The following LHFPL3 variants were observed in gnomAD, a reference collection of about 807,000 sequenced individuals.
LHFPL3 encodes the protein LHFPL tetraspan subfamily member 3 protein.
In LHFPL3, 5 loss-of-function variants were observed where a neutral mutation model predicts 19.3. The ratio of observed to expected loss-of-function variants is 0.26; its 90% CI spans 0.14 to 0.54. The LOEUF is 0.54. Ranked by LOEUF, LHFPL3 falls within the 20% of genes least tolerant of loss-of-function variation. The pLI is 0.94. For missense variants in LHFPL3, 249 were observed against 307.4 expected (o/e 0.81, Z 1.42); for synonymous variants, 133 against 126.2 (o/e 1.05, Z -0.36).
At chr7:104,795,303 G>T (rs1790101983) in intron 2 of LHFPL3, among the ~76,000 whole-genome samples, 1 of 152,176 alleles carries the variant, frequency 6.6e-6, no homozygotes, top group African/African-American at 2.4e-5. Context: ...ACCATAATTT[G>T]ACCCATCCTC....
intron 2 of LHFPL3, among the ~76,000 whole-genome samples, chr7:104,863,727 C>T (rs982347958): frequency 6.6e-6 from 1 of 152,202 alleles, no homozygotes; most frequent in African/African-American, 2.4e-5. Context: ...CTGACTCAGC[C>T]TTGCACAGTG....
chr7:104,555,748 C>G (rs116049523), intron 1 of LHFPL3, among the ~76,000 whole-genome samples: 2,087 of 152,314 alleles, frequency 0.014, 43 homozygotes, highest in African/African-American at 0.047. Flanking sequence ...TCTTAACTCA[C>G]TCCAGCATTA....
chr7:104,891,509 T>C (rs1316054509), intron 2 of LHFPL3, among the ~76,000 whole-genome samples: 1 of 152,222 alleles, frequency 6.6e-6, no homozygotes, highest in Non-Finnish European at 1.5e-5. Flanking sequence ...AAGCACCTTT[T>C]AAAGGTCCCA....
rs1794068710 is a variant in LHFPL3 at position 104,521,771 on chromosome 7, A to G, written c.445+192547A>G. Among the ~76,000 whole-genome samples, 4 of 152,234 alleles carry G rather than the reference A, an allele frequency of 2.6e-5. No individual in the cohort carries two copies. In the South Asian group the frequency reaches 8.3e-4, roughly 32 times the overall value. The stretch of plus-strand genomic sequence containing the variant: ...CAAAAGAAGACATTTATGTAGCCAA[A>G]AAACACATGAAAAAATGCTCACCAT... On this transcript the variant is annotated intron_variant, in intron 1 of 2. Coordinates refer to ENST00000424859, the MANE Select transcript of LHFPL3 (RefSeq NM_199000.3).
chr7:104,440,420 G>T (rs538090984), intron 1 of LHFPL3, among the ~76,000 whole-genome samples: 1 of 151,492 alleles, frequency 6.6e-6, no homozygotes, highest in Middle Eastern at 3.5e-3. Context: ...GTCGTGGGGT[G>T]GGGGGAGTGG....
rs538233059 is a variant in LHFPL3 at position 104,864,814 on chromosome 7, C to G, written c.683-41373C>G. 7.9e-5 allele frequency among the ~76,000 whole-genome samples: 12 copies of G among 152,320 alleles called. No individual in the cohort carries two copies. The South Asian group carries it at 1.5e-3, about 18-fold the overall frequency. On this transcript the variant is annotated intron_variant, in intron 2 of 2. Transcript: ENST00000424859. ...GCCTCCTCAAGTGGGTCCCTGCCCCCCAAGTAGCCTAACTGGGGGCAGACT... is the reference window on the plus strand; with the variant it reads ...GCCTCCTCAAGTGGGTCCCTGCCCCGCAAGTAGCCTAACTGGGGGCAGACT...
chr7:104,823,775 C>T (rs555460238), intron 2 of LHFPL3, among the ~76,000 whole-genome samples: 14 of 152,172 alleles, frequency 9.2e-5, no homozygotes, highest in African/African-American at 2.6e-4. Flanking sequence ...GTAAATCAAC[C>T]TCCACATTTG....
intron 1 of LHFPL3, among the ~76,000 whole-genome samples, chr7:104,578,507 G>C (rs1790390248): frequency 6.6e-6 from 1 of 152,156 alleles, no homozygotes; most frequent in South Asian, 2.1e-4. Context: ...AAATTTTAAA[G>C]ACTTGAAGAG....
chr7:104,802,025 C>A (rs757294298), intron 2 of LHFPL3, among the ~76,000 whole-genome samples: 1 of 152,122 alleles, frequency 6.6e-6, no homozygotes, highest in Non-Finnish European at 1.5e-5. Context: ...ACAAAAGCAT[C>A]ACTGTTAACC....
intron 1 of LHFPL3, among the ~76,000 whole-genome samples, chr7:104,541,458 C>T (rs764395359): frequency 1.3e-5 from 2 of 152,122 alleles, no homozygotes; most frequent in Non-Finnish European, 2.9e-5. Flanking sequence ...CAGTATTCCC[C>T]AGACACAGGA....
intron 1 of LHFPL3, among the ~76,000 whole-genome samples, chr7:104,393,001 A>C (rs1791108660): frequency 6.6e-6 from 1 of 152,214 alleles, no homozygotes; most frequent in Non-Finnish European, 1.5e-5. Flanking sequence ...TTTAAAAATG[A>C]GCATAGGATC....
chr7:104,439,788 C>T (rs1173273992), intron 1 of LHFPL3, among the ~76,000 whole-genome samples: 1 of 151,986 alleles, frequency 6.6e-6, no homozygotes, highest in African/African-American at 2.4e-5. Context: ...AGGAACAAAA[C>T]AAGGATGTCT....
intron 1 of LHFPL3, among the ~76,000 whole-genome samples, chr7:104,588,529 G>A (rs1455576120): frequency 3.9e-5 from 6 of 151,950 alleles, no homozygotes; most frequent in Admixed American, 1.3e-4. Flanking sequence ...GCCTTGTAGT[G>A]TAGTTTGAAG....
At chr7:104,392,467 TG>T (rs1204315259) in intron 1 of LHFPL3, among the ~76,000 whole-genome samples, 1 of 151,886 alleles carries the variant, frequency 6.6e-6, no homozygotes, top group African/African-American at 2.4e-5. Context: ...TCTTTGGTTC[TG>T]TTTATATGCT....
intron 1 of LHFPL3, among the ~76,000 whole-genome samples, chr7:104,460,690 T>C (rs1270723506): frequency 6.6e-6 from 1 of 152,148 alleles, no homozygotes. Flanking sequence ...ACTTTTTTAA[T>C]GGGGTTATTT....
At chr7:104,719,142 T>A (rs568479893) in intron 1 of LHFPL3, among the ~76,000 whole-genome samples, 1 of 152,286 alleles carries the variant, frequency 6.6e-6, no homozygotes, top group South Asian at 2.1e-4. Flanking sequence ...TCCAAAGAAG[T>A]TACTTTCAAA....
At chr7:104,589,595 G>A (rs1235001555) in intron 1 of LHFPL3, among the ~76,000 whole-genome samples, 11 of 151,886 alleles carry the variant, frequency 7.2e-5, no homozygotes, top group Admixed American at 5.9e-4. Flanking sequence ...TGTCTCTGCC[G>A]GGCTTTGATA....
At chr7:104,643,065 A>G (rs951756316) in intron 1 of LHFPL3, among the ~76,000 whole-genome samples, 1 of 152,202 alleles carries the variant, frequency 6.6e-6, no homozygotes, top group African/African-American at 2.4e-5. Context: ...TTTCAAATAG[A>G]ATCAGCTTTG....
intron 1 of LHFPL3, among the ~76,000 whole-genome samples, chr7:104,591,385 G>C (rs935652160): frequency 6.6e-6 from 1 of 152,122 alleles, no homozygotes; most frequent in African/African-American, 2.4e-5. Context: ...GCTTAGTTTG[G>C]CTGGATATGA....
Sources: gnomAD v4.1 joint callset for allele counts (sites outside exome capture counted in the v4.1 genomes callset) on GRCh38, gnomAD v4.1.1 for gene constraint, MANE v1.5 for transcripts, NCBI Gene and HGNC (gene_info 2026-07-23, HGNC 2026-07-21) for gene names.